The following SPG11 variants were observed in gnomAD, a reference collection of about 807,000 sequenced individuals.
SPG11 encodes SPG11 vesicle trafficking associated, spatacsin.
Under a neutral mutation model 274.0 loss-of-function variants are expected in SPG11, and 222 were observed. That is an observed-to-expected ratio of 0.81 (90% CI 0.73 to 0.91). The LOEUF is 0.91. SPG11 is among the 40% of genes least tolerant of loss of function. The pLI is 0.00. For missense variants in SPG11, 3,114 were observed against 2,872.7 expected (o/e 1.08, Z -1.92); for synonymous variants, 1,144 against 1,039.7 (o/e 1.10, Z -1.93).
intron 18 of SPG11, among the ~76,000 whole-genome samples, chr15:44,610,307 C>CCT (rs1001500780): frequency 2.6e-5 from 4 of 152,000 alleles, no homozygotes; most frequent in African/African-American, 9.7e-5. Flanking sequence ...CCCACCCTGG[C>CCT]CTCTCAAAAG....
At chr15:44,589,490 C>T (rs1314306230) in intron 27 of SPG11, 76 bp from the exon 28 acceptor site, 19 of 1,577,586 alleles carry the variant, frequency 1.2e-5, no homozygotes, top group Non-Finnish European at 1.7e-5. Flanking sequence ...ATCTGGGAAC[C>T]TCTAAGAAAG....
At chr15:44,596,040 A>G (rs564365258) in intron 25 of SPG11, 43 bp downstream of exon 25, 39 of 1,610,032 alleles carry the variant, frequency 2.4e-5, no homozygotes, top group East Asian at 1.1e-4. Flanking sequence ...TACTTATTCT[A>G]TTGTTCTCTG....
chr15:44,629,174 T>C, intron 9 of SPG11, 59 bp downstream of exon 9: 1 of 1,574,368 alleles, frequency 6.4e-7, no homozygotes, highest in Non-Finnish European at 8.7e-7. Flanking sequence ...ATAGCAGCAC[T>C]TGTATCTGTT....
chr15:44,588,853 AGCTTATGAAGCAAT>A (rs1381288843), intron 28 of SPG11, among the ~76,000 whole-genome samples: 1 of 152,202 alleles, frequency 6.6e-6, no homozygotes, highest in Non-Finnish European at 1.5e-5. Flanking sequence ...AAACTTTGCC[AGCTTATGAAGCAAT>A]GCTCCAGACT....
chr15:44,647,060 C>T (rs898976803), intron 7 of SPG11, among the ~76,000 whole-genome samples: 3 of 152,128 alleles, frequency 2.0e-5, no homozygotes, highest in African/African-American at 7.2e-5. Context: ...GTCATAGAGT[C>T]TAGCATCCAG....
intron 38 of SPG11, among the ~76,000 whole-genome samples, chr15:44,565,132 C>T (rs979187157): frequency 2.0e-5 from 3 of 152,156 alleles, no homozygotes; most frequent in Non-Finnish European, 2.9e-5. Flanking sequence ...AGGGCTGATT[C>T]CCTGATAATC....
intron 20 of SPG11, among the ~76,000 whole-genome samples, chr15:44,601,103 G>C (rs2083174715): frequency 6.6e-6 from 1 of 152,090 alleles, no homozygotes; most frequent in South Asian, 2.1e-4. Context: ...GGTGAGCCAA[G>C]ATCGCGCCAT....
At chr15:44,622,930 C>T (rs1595891816) in intron 11 of SPG11, 131 bp from the exon 12 acceptor site, 2 of 764,412 alleles carry the variant, frequency 2.6e-6, no homozygotes, top group East Asian at 5.0e-5. Flanking sequence ...GCTTTCTGCT[C>T]TTTCAAACAC....
chr15:44,622,710 A>G lies in SPG11; in HGVS notation c.2316+18T>C. ...GCTTTCTAGAAAATGTATACTATGT[A>G]GTCTCACCTTTACCTACCAAAAAGT... On this transcript the variant is annotated intron_variant, in intron 12 of 39. Transcript: ENST00000261866. 6.3e-7 allele frequency: 1 copy of G among 1,576,822 alleles called. No homozygotes were observed. Among genetic ancestry groups the G allele is most frequent in the Non-Finnish European group, 8.7e-7 (1 of 1,146,190 alleles).
intron 17 of SPG11, 106 bp from the exon 18 acceptor site, chr15:44,611,091 TAAA>T (rs35831490): frequency 0.013 from 919 of 69,472 alleles, 2 homozygotes; most frequent in African/African-American, 0.019. Flanking sequence ...CTATCCCCAG[TAAA>T]AAAAAAAAAA....
intron 28 of SPG11, among the ~76,000 whole-genome samples, chr15:44,586,605 T>C (rs1348725778): frequency 1.3e-5 from 2 of 152,120 alleles, no homozygotes; most frequent in Non-Finnish European, 2.9e-5. Context: ...GATGGTGCCA[T>C]TGTACTCCAG....
intron 35 of SPG11, 84 bp from the exon 36 acceptor site, chr15:44,567,676 T>G (rs1343078594): frequency 6.9e-7 from 1 of 1,450,250 alleles, no homozygotes; most frequent in Non-Finnish European, 9.6e-7. Context: ...TTGTTCTGCA[T>G]TCCTTAAAAA....
Position 44,592,391 on chromosome 15 carries a change from G to T in SPG11, c.4683C>A (p.Phe1561Leu). ...LVMEMYELCM[F>L]FRNYKEAEAK... ...CTTCAGCTTCTTTATAATTCCTGAA[G>T]AACATACACAGTTCATACATCTCCA... Residue 1561 changes from phenylalanine (F) to leucine (L), a missense_variant, in exon 27 of 40, where the codon TTC (phenylalanine) becomes TTA (leucine). Phe to Leu is a conservative substitution (Grantham distance 22). Coordinates refer to ENST00000261866, the MANE Select transcript of SPG11 (RefSeq NM_025137.4). 1 of 1,612,288 alleles carries T rather than the reference G, an allele frequency of 6.2e-7. No homozygotes were observed. Among genetic ancestry groups the T allele is most frequent in the Non-Finnish European group, 8.5e-7 (1 of 1,178,424 alleles).
chr15:44,569,501 C>T lies in SPG11; in HGVS notation c.6482G>A (p.Arg2161Gln), dbSNP rs1017501933. The change falls in exon 35 of 40, where the codon CGG becomes CAG. Residue 2161 changes from arginine (R) to glutamine (Q), a missense_variant. Transcript: ENST00000261866. ...APSEEYGLVV[R>Q]LLTGIGRYNE... ...GTACCTTCCAATGCCAGTGAGGAGCCGTACCTGTGAAGTGGGAGGACAGCT... is the reference window on the plus strand; with the variant it reads ...GTACCTTCCAATGCCAGTGAGGAGCTGTACCTGTGAAGTGGGAGGACAGCT... 6.9e-6 allele frequency: 11 copies of T among 1,586,098 alleles called. No individual in the cohort carries two copies. In the African/African-American group the frequency reaches 9.4e-5, roughly 14 times the overall value.
chr15:44,596,501 A>G, intron 24 of SPG11, 146 bp from the exon 25 acceptor site: 1 of 1,022,400 alleles, frequency 9.8e-7, no homozygotes, highest in Non-Finnish European at 1.5e-6. Flanking sequence ...ACAAAGCTGT[A>G]TGGTGCCTTT....
intron 4 of SPG11, among the ~76,000 whole-genome samples, chr15:44,656,000 G>A (rs967535470): frequency 4.6e-5 from 7 of 152,058 alleles, no homozygotes; most frequent in African/African-American, 1.4e-4. Context: ...GGATAAAGGC[G>A]ACAACTATAT....
chr15:44,622,146 G>A (rs2083770803), intron 13 of SPG11, 74 bp downstream of exon 13: 1 of 1,515,072 alleles, frequency 6.6e-7, no homozygotes, highest in South Asian at 1.2e-5. Flanking sequence ...AGAAACTTGT[G>A]TTCACTAACA....
intron 8 of SPG11, among the ~76,000 whole-genome samples, chr15:44,629,852 C>T (rs1419138237): frequency 6.6e-6 from 1 of 151,820 alleles, no homozygotes; most frequent in Non-Finnish European, 1.5e-5. Flanking sequence ...AAGCAGATCA[C>T]TTGAGGTCAG....
rs760885794 is a variant in SPG11 at position 44,563,316 on chromosome 15, A to T, written c.7152-15T>A. On this transcript the variant is annotated splice_polypyrimidine_tract_variant and intron_variant, in intron 39 of 39. Coordinates refer to ENST00000261866, the MANE Select transcript of SPG11 (RefSeq NM_025137.4). ...GTTGTTTATATCTAGATAAAGAAAC[A>T]TAATGTACAGGTTAAGATACTGTTT... The T allele has an allele frequency of 1.2e-6, 2 of 1,607,446 alleles. No homozygotes were observed. Among genetic ancestry groups the T allele is most frequent in the East Asian group, 4.5e-5 (2 of 44,850 alleles).
Sources: gnomAD v4.1 joint callset for allele counts (sites outside exome capture counted in the v4.1 genomes callset) on GRCh38, gnomAD v4.1.1 for gene constraint, MANE v1.5 for transcripts, NCBI Gene and HGNC (gene_info 2026-07-23, HGNC 2026-07-21) for gene names.